The following TERF2IP variants were observed in gnomAD, a reference collection of about 807,000 sequenced individuals.
The protein encoded by TERF2IP is TERF2 interacting protein, also known as telomeric repeat-binding factor 2-interacting protein 1.
A neutral mutation model predicts 33.3 loss-of-function variants in TERF2IP; 35 were observed. The observed-to-expected ratio is 1.05, with a 90% CI of 0.80 to 1.39. TERF2IP has a LOEUF of 1.39. Ranked by LOEUF, TERF2IP falls within the 40% of genes most tolerant of loss-of-function variation. The pLI, the probability that TERF2IP is intolerant of heterozygous loss-of-function variation, is 0.00. For missense variants in TERF2IP, 583 were observed against 524.8 expected (o/e 1.11, Z -1.08); for synonymous variants, 253 against 223.2 (o/e 1.13, Z -1.19).
intron 1 of TERF2IP, chr16:75,648,764 A>G: frequency 7.3e-7 from 1 of 1,367,614 alleles, no homozygotes; most frequent in Non-Finnish European, 9.6e-7. Context: ...TCTGTTACCT[A>G]AGCTGGTCTG....
Position 75,654,341 on chromosome 16 carries a change from G to A in TERF2IP, c.739G>A (p.Glu247Lys), listed in dbSNP as rs1209213523. Residue 247 changes from glutamate (E) to lysine (K), a missense_variant, in exon 2 of 3, where the codon GAA becomes AAA. Glu to Lys is a moderately conservative substitution (Grantham distance 56). Coordinates refer to ENST00000300086, the MANE Select transcript of TERF2IP (RefSeq NM_018975.4). Reference sequence around the variant, plus strand: ...TGTGAAGGAAGAAATCCAGGAGAATGAAGAAGCAGTCAAAAAGATGCTTGT... The same window carrying A: ...TGTGAAGGAAGAAATCCAGGAGAATAAAGAAGCAGTCAAAAAGATGCTTGT... ...EYVKEEIQENEEAVKKMLVEA... is the reference protein window; with the variant it reads ...EYVKEEIQENKEAVKKMLVEA... 6.2e-7 allele frequency: 1 copy of A among 1,613,960 alleles called. No individual in the cohort carries two copies. The highest frequency in any genetic ancestry group is 1.7e-5 in the Admixed American group (1 of 60,016).
intron 1 of TERF2IP, among the ~76,000 whole-genome samples, chr16:75,652,555 A>G (rs1490711607): frequency 6.6e-6 from 1 of 152,254 alleles, no homozygotes. Context: ...AGCAAATGCC[A>G]GACATCATAT....
chr16:75,655,142 G>T (rs1174160756), intron 2 of TERF2IP, among the ~76,000 whole-genome samples: 1 of 152,168 alleles, frequency 6.6e-6, no homozygotes, highest in African/African-American at 2.4e-5. Context: ...TCAGCCTCCT[G>T]GGTAACTGGG....
At chr16:75,653,549 A>T (rs1328871402) in intron 1 of TERF2IP, among the ~76,000 whole-genome samples, 1 of 152,202 alleles carries the variant, frequency 6.6e-6, no homozygotes, top group Admixed American at 6.5e-5. Flanking sequence ...AGAGAACAAA[A>T]TGTAAAGGAA....
chr16:75,650,344 C>G (rs1433643931), intron 1 of TERF2IP, among the ~76,000 whole-genome samples: 1 of 152,048 alleles, frequency 6.6e-6, no homozygotes, highest in Non-Finnish European at 1.5e-5. Flanking sequence ...GAAGAGTGTT[C>G]AGGCAGAGGA....
Position 75,648,439 on chromosome 16 carries a change from A to C in TERF2IP, c.557A>C (p.Lys186Thr). The change falls in exon 1 of 3, where the codon AAG becomes ACG. Residue 186 changes from lysine to threonine, a missense_variant. Coordinates refer to ENST00000300086, the MANE Select transcript of TERF2IP (RefSeq NM_018975.4). ...SWQSLKDRYL[K>T]HLRGQEHKYL... ...CAGTCCCTGAAGGACCGCTACCTCA[A>C]GCACCTGCGGGGCCAGGAGCATAAG... 6.2e-7 allele frequency: 1 copy of C among 1,603,378 alleles called. No individual in the cohort carries two copies. Among genetic ancestry groups the C allele is most frequent in the Non-Finnish European group, 8.5e-7 (1 of 1,175,816 alleles).
In TERF2IP at chr16:75,647,948, G is replaced by C; in HGVS notation, c.66G>C (p.Val22=). ...CCACCCATTCCTCGACTCTGTTCGTGAGGGACGACGGCAGCTCCATGTCCT... is the reference window on the plus strand; with the variant it reads ...CCACCCATTCCTCGACTCTGTTCGTCAGGGACGACGGCAGCTCCATGTCCT... ...NGPTHSSTLF[V]RDDGSSMSFY... Residue 22 remains valine, a synonymous_variant, in exon 1 of 3, where the codon GTG becomes GTC. Coordinates refer to ENST00000300086, the MANE Select transcript of TERF2IP (RefSeq NM_018975.4). 1 of 1,613,722 alleles carries C rather than the reference G, an allele frequency of 6.2e-7. No homozygotes were observed. The highest frequency in any genetic ancestry group is 8.5e-7 in the Non-Finnish European group (1 of 1,179,740).
chr16:75,654,327 A>G lies in TERF2IP; in HGVS notation c.725A>G (p.Glu242Gly). 1.2e-6 allele frequency: 2 copies of G among 1,614,058 alleles called. No individual in the cohort carries two copies. Among genetic ancestry groups the G allele is most frequent in the South Asian group, 2.2e-5 (2 of 91,088 alleles). The change falls in exon 2 of 3, where the codon GAA becomes GGA. Residue 242 changes from glutamate to glycine, a missense_variant. By Grantham distance (98) the Glu-to-Gly change is moderately conservative. Transcript: ENST00000300086. ...DLPEEEYVKE[E>G]IQENEEAVKK... ...CCTGAAGAAGAGTATGTGAAGGAAG[A>G]AATCCAGGAGAATGAAGAAGCAGTC... is the stretch of plus-strand genomic sequence containing the variant.
At position 75,656,675 on chromosome 16, in the gene TERF2IP, C is replaced by T; in HGVS notation, c.*64C>T. On this transcript the variant is annotated 3_prime_UTR_variant, in exon 3 of 3. Coordinates refer to ENST00000300086, the MANE Select transcript of TERF2IP (RefSeq NM_018975.4). ...TGAGGTGGTTAAAAAAAATTGTGAC[C>T]AATGAACTTTAGAGAGTTCTTGCAT... The T allele has an allele frequency of 6.8e-7, 1 of 1,463,096 alleles. No individual in the cohort carries two copies. Among genetic ancestry groups the T allele is most frequent in the Middle Eastern group, 2.5e-4 (1 of 3,982 alleles). 90.6% of individuals were successfully genotyped at this position (1,463,096 alleles called of 1,614,324 possible). A position where few individuals can be genotyped will look rare whatever the true frequency, so the allele number is the denominator to read the frequency against.
rs755145873 is a variant in TERF2IP at position 75,648,323 on chromosome 16, C to T, written c.441C>T (p.Tyr147=). The T allele has an allele frequency of 1.9e-6, 3 of 1,570,240 alleles. No individual in the cohort carries two copies. Among genetic ancestry groups the T allele is most frequent in the South Asian group, 1.2e-5 (1 of 85,716 alleles). The change falls in exon 1 of 3, where the codon TAC becomes TAT. Residue 147 remains tyrosine, a synonymous_variant. Coordinates refer to ENST00000300086, the MANE Select transcript of TERF2IP (RefSeq NM_018975.4). Reference sequence around the variant, plus strand: ...CGGACGACGTAGCCATCCTTACCTACGTGAAGGAAAATGCCCGCTCGCCCA... The same window carrying T: ...CGGACGACGTAGCCATCCTTACCTATGTGAAGGAAAATGCCCGCTCGCCCA... ...TDADDVAILT[Y]VKENARSPSS... is the part of the protein sequence containing the mutation.
chr16:75,654,429 T>G (rs1290552728), intron 2 of TERF2IP, 32 bp downstream of exon 2: 1 of 1,602,188 alleles, frequency 6.2e-7, no homozygotes, highest in African/African-American at 1.3e-5. Flanking sequence ...ATTATTTTTT[T>G]CCCTACCTTC....
In TERF2IP at chr16:75,648,057, C is replaced by A; in HGVS notation, c.175C>A (p.Pro59Thr). The A allele has an allele frequency of 6.3e-7, 1 of 1,596,804 alleles. No homozygotes were observed. Among genetic ancestry groups the A allele is most frequent in the African/African-American group, 1.3e-5 (1 of 74,520 alleles). The change falls in exon 1 of 3, where the codon CCC becomes ACC. Residue 59 changes from proline (P) to threonine (T), a missense_variant. By Grantham distance (38) the Pro-to-Thr change is conservative. Transcript: ENST00000300086. Reference sequence around the variant, plus strand: ...CGGCACCGTGTGCCGAGTGCAGGAGCCCGGGGCCGTGCTGCTGGCCCAGCC... The same window carrying A: ...CGGCACCGTGTGCCGAGTGCAGGAGACCGGGGCCGTGCTGCTGGCCCAGCC... Reference protein sequence around the residue: ...GGGTVCRVQEPGAVLLAQPGE... With the variant: ...GGGTVCRVQETGAVLLAQPGE...
chr16:75,648,712 G>T (rs1393147288), intron 1 of TERF2IP, 160 bp downstream of exon 1: 7 of 1,431,162 alleles, frequency 4.9e-6, no homozygotes, highest in African/African-American at 1.4e-5. Context: ...TTGCCTTCTC[G>T]CTCCCTTGTT....
rs1597183021 is a variant in TERF2IP at position 75,648,036 on chromosome 16, A to G, written c.154A>G (p.Thr52Ala). ...LSTLILHGGG[T>A]VCRVQEPGAV... is the part of the protein sequence containing the mutation. ...GACGCTCATCCTGCACGGCGGCGGC[A>G]CCGTGTGCCGAGTGCAGGAGCCCGG... is the stretch of plus-strand genomic sequence containing the variant. The change falls in exon 1 of 3, where the codon ACC becomes GCC. Residue 52 changes from threonine (T) to alanine (A), a missense_variant. Physicochemically the swap from Thr to Ala is moderately conservative, Grantham distance 58. Transcript: ENST00000300086. The G allele has an allele frequency of 1.2e-6, 2 of 1,610,034 alleles. No individual in the cohort carries two copies.
intron 2 of TERF2IP, among the ~76,000 whole-genome samples, chr16:75,654,767 C>T (rs577461911): frequency 6.6e-5 from 10 of 152,294 alleles, no homozygotes; most frequent in Admixed American, 2.6e-4. Flanking sequence ...CTGGCTCTGT[C>T]GCCCAGGCTG....
intron 1 of TERF2IP, among the ~76,000 whole-genome samples, chr16:75,649,538 C>T (rs139732297): frequency 1.4e-5 from 2 of 141,694 alleles, no homozygotes; most frequent in Non-Finnish European, 3.0e-5. Flanking sequence ...AGCAAGACTC[C>T]ATCTCAAAAA....
chr16:75,649,354 A>G (rs1398424924), intron 1 of TERF2IP, among the ~76,000 whole-genome samples: 4 of 152,196 alleles, frequency 2.6e-5, no homozygotes, highest in Non-Finnish European at 5.9e-5. Flanking sequence ...GACGAGCCTG[A>G]CCAACATGGC....
In TERF2IP at chr16:75,656,873, A is replaced by G; in HGVS notation, c.*262A>G. On this transcript the variant is annotated 3_prime_UTR_variant, in exon 3 of 3. Coordinates refer to ENST00000300086, the MANE Select transcript of TERF2IP (RefSeq NM_018975.4). ...GAAAGGAAGATCTAAATCAGACAGGAGTTGGTCTACATAGTAGTAATCCAT... is the reference window on the plus strand; with the variant it reads ...GAAAGGAAGATCTAAATCAGACAGGGGTTGGTCTACATAGTAGTAATCCAT... 3 of 449,434 alleles carry G rather than the reference A, an allele frequency of 6.7e-6. No homozygotes were observed. Among genetic ancestry groups the G allele is most frequent in the Admixed American group, 4.0e-5 (1 of 24,802 alleles). 27.8% of individuals were successfully genotyped at this position (449,434 alleles called of 1,614,324 possible).
intron 1 of TERF2IP, 77 bp from the exon 2 acceptor site, chr16:75,654,196 G>C: frequency 6.7e-6 from 8 of 1,202,424 alleles, no homozygotes; most frequent in Non-Finnish European, 8.9e-6. Context: ...TCCTGGCCCA[G>C]AGCTCACACA....
Sources: allele counts gnomAD v4.1 joint callset (sites outside exome capture counted in the v4.1 genomes callset), GRCh38; gene constraint gnomAD v4.1.1; transcripts MANE v1.5; gene names NCBI Gene and HGNC (gene_info 2026-07-23, HGNC 2026-07-21).